The following DOK6 variants were observed in gnomAD, a reference collection of about 807,000 sequenced individuals.
DOK6 encodes downstream of tyrosine kinase 6.
A neutral mutation model predicts 44.0 loss-of-function variants in DOK6; 22 were observed. The observed-to-expected ratio is 0.50, with a 90% CI of 0.36 to 0.71. DOK6 has a LOEUF of 0.71. Among genes scored for constraint, DOK6 ranks in the 30% least tolerant of loss-of-function variants. DOK6 has a pLI of 0.00. For synonymous variants in DOK6, 166 were observed against 145.5 expected, an observed-to-expected ratio of 1.14 and a Z score of -1.01; for missense variants, 340 against 416.4, an observed-to-expected ratio of 0.82 and a Z score of 1.60.
chr18:69,666,994 C>T (rs1032044637), intron 3 of DOK6, among the ~76,000 whole-genome samples: 3 of 152,058 alleles, frequency 2.0e-5, no homozygotes, highest in Non-Finnish European at 4.4e-5. Flanking sequence ...CCAGAAGGAC[C>T]CCCCCTCCCC....
chr18:69,608,435 T>G (rs1260128149), intron 3 of DOK6, among the ~76,000 whole-genome samples: 1 of 152,204 alleles, frequency 6.6e-6, no homozygotes, highest in African/African-American at 2.4e-5. Flanking sequence ...AATCAGGAAG[T>G]GTGATACCTC....
chr18:69,459,487 C>A (rs1979729749), intron 1 of DOK6, among the ~76,000 whole-genome samples: 1 of 152,016 alleles, frequency 6.6e-6, no homozygotes, highest in Non-Finnish European at 1.5e-5. Flanking sequence ...CTTGGCATTT[C>A]AATTTTAAAA....
At chr18:69,480,279 CTTCCTT>C (rs996936793) in intron 1 of DOK6, among the ~76,000 whole-genome samples, 4 of 151,952 alleles carry the variant, frequency 2.6e-5, no homozygotes, top group Admixed American at 1.3e-4. Context: ...ATGTGGGAAA[CTTCCTT>C]TTTATTTCCC....
intron 1 of DOK6, among the ~76,000 whole-genome samples, chr18:69,530,274 G>T (rs80089363): frequency 0.03 from 4,581 of 152,154 alleles, 84 homozygotes; most frequent in Middle Eastern, 0.048. Context: ...TAAAGGTTTG[G>T]TGGTAGAACT....
intron 4 of DOK6, among the ~76,000 whole-genome samples, 159 bp downstream of exon 4, chr18:69,678,012 C>A (rs528926016): frequency 1.3e-5 from 2 of 152,156 alleles, no homozygotes; most frequent in African/African-American, 4.8e-5. Flanking sequence ...ATTTTGGGAG[C>A]CCGAGGGTGA....
At chr18:69,737,510 G>A (rs1009023306) in intron 5 of DOK6, among the ~76,000 whole-genome samples, 2 of 152,112 alleles carry the variant, frequency 1.3e-5, no homozygotes, top group Non-Finnish European at 2.9e-5. Context: ...GATTTGGATG[G>A]GGACACAGAG....
chr18:69,717,894 A>G (rs1364728547), intron 5 of DOK6, among the ~76,000 whole-genome samples: 1 of 152,248 alleles, frequency 6.6e-6, no homozygotes, highest in Non-Finnish European at 1.5e-5. Flanking sequence ...TAACCATGGT[A>G]GGGGCAGTCC....
At chr18:69,426,721 A>C (rs375778801) in intron 1 of DOK6, among the ~76,000 whole-genome samples, 1 of 152,210 alleles carries the variant, frequency 6.6e-6, no homozygotes, top group East Asian at 1.9e-4. Context: ...CACTTTGTAG[A>C]ATATGATATG....
At chr18:69,597,029 G>C (rs1009238241) in intron 2 of DOK6, among the ~76,000 whole-genome samples, 2 of 151,750 alleles carry the variant, frequency 1.3e-5, no homozygotes, top group Non-Finnish European at 2.9e-5. Context: ...ATATACACTT[G>C]ATCTCCTCTC....
At chr18:69,412,363 C>A (rs1458741500) in intron 1 of DOK6, among the ~76,000 whole-genome samples, 1 of 152,118 alleles carries the variant, frequency 6.6e-6, no homozygotes, top group African/African-American at 2.4e-5. Context: ...CATGGTAGCA[C>A]TATGGCTTGT....
At chr18:69,732,188 C>T (rs138400190) in intron 5 of DOK6, among the ~76,000 whole-genome samples, 6 of 152,058 alleles carry the variant, frequency 3.9e-5, no homozygotes, top group African/African-American at 7.2e-5. Context: ...AAGGAGTACA[C>T]GAGGTGCTTT....
chr18:69,510,375 C>T (rs1279589091), intron 1 of DOK6, among the ~76,000 whole-genome samples: 1 of 152,146 alleles, frequency 6.6e-6, no homozygotes, highest in Non-Finnish European at 1.5e-5. Flanking sequence ...ACTCACTGTT[C>T]AGGCCATAAA....
intron 1 of DOK6, among the ~76,000 whole-genome samples, chr18:69,538,843 T>C (rs1982191885): frequency 1.3e-5 from 2 of 152,098 alleles, no homozygotes; most frequent in South Asian, 4.1e-4. Flanking sequence ...CTTGGATCCC[T>C]TTTTCCTCTC....
chr18:69,595,778 G>T (rs1983726461), intron 2 of DOK6, among the ~76,000 whole-genome samples: 1 of 151,940 alleles, frequency 6.6e-6, no homozygotes, highest in Non-Finnish European at 1.5e-5. Flanking sequence ...AATTTATTTT[G>T]GTGCAAAAAA....
intron 7 of DOK6, among the ~76,000 whole-genome samples, chr18:69,808,010 C>CAT (rs1265766042): frequency 6.6e-6 from 1 of 151,884 alleles, no homozygotes; most frequent in Admixed American, 6.6e-5. Flanking sequence ...TCTAAGCACA[C>CAT]ATGGACTATT....
chr18:69,691,169 G>C (rs973603800), intron 4 of DOK6, among the ~76,000 whole-genome samples: 1 of 148,390 alleles, frequency 6.7e-6, no homozygotes, highest in East Asian at 2.0e-4. Context: ...GGCGACAAGA[G>C]CGAAACTCTG....
rs1568256358 is a variant in DOK6 at position 69,434,954 on chromosome 18, G to GGAAGGAA, written c.66+33645_66+33646insAAGGAAG. ...AGGGAGGGAGGGAGGGAGGGAGGGA[G>GGAAGGAA]GGAAGGAAGGAAGGAAGGAAGGAAG... On this transcript the variant is annotated intron_variant, in intron 1 of 7. Transcript: ENST00000382713. Among the ~76,000 whole-genome samples, 70 of 62,964 alleles carry GGAAGGAA rather than the reference G, an allele frequency of 1.1e-3. 2 individuals are homozygous for GGAAGGAA. The highest frequency in any genetic ancestry group is 2.6e-3 in the African/African-American group (50 of 19,130). 41.3% of individuals were successfully genotyped at this position (62,964 alleles called of 152,430 possible).
intron 6 of DOK6, among the ~76,000 whole-genome samples, chr18:69,755,994 G>A (rs1336787212): frequency 1.3e-5 from 2 of 152,250 alleles, no homozygotes; most frequent in Non-Finnish European, 2.9e-5. Context: ...TGCATCAGGT[G>A]TGATTTCCTG....
intron 1 of DOK6, among the ~76,000 whole-genome samples, chr18:69,468,130 T>A (rs1411202064): frequency 6.6e-6 from 1 of 152,226 alleles, no homozygotes; most frequent in African/African-American, 2.4e-5. Context: ...TTGGCTTATA[T>A]AATATACCTA....
Sources: gnomAD v4.1 joint callset for allele counts (sites outside exome capture counted in the v4.1 genomes callset) on GRCh38, gnomAD v4.1.1 for gene constraint, MANE v1.5 for transcripts, NCBI Gene and HGNC (gene_info 2026-07-23, HGNC 2026-07-21) for gene names.